Variants in CDH23 observed in about 807,000 individuals in gnomAD.
CDH23 encodes cadherin related 23, also known as cadherin-23.
A neutral mutation model predicts 317.1 loss-of-function variants in CDH23; 189 were observed. That is an observed-to-expected ratio of 0.60 (90% CI 0.53 to 0.67). The LOEUF is 0.67. CDH23 is among the 30% of genes least tolerant of loss of function. CDH23 has a pLI of 0.00. For synonymous variants in CDH23, 1,839 were observed against 1,876.8 expected (o/e 0.98, Z 0.52); for missense variants, 4,401 against 4,592.4 (o/e 0.96, Z 1.20).
chr10:71,806,095 C>T (rs1000399952), intron 56 of CDH23, 73 bp from the exon 57 acceptor site: 19 of 1,529,540 alleles, frequency 1.2e-5, no homozygotes, highest in Non-Finnish European at 1.7e-5. Context: ...CCTAGGGGAA[C>T]TGGCCACCGG....
At chr10:71,527,377 G>A (rs1374634166) in intron 6 of CDH23, among the ~76,000 whole-genome samples, 1 of 152,250 alleles carries the variant, frequency 6.6e-6, no homozygotes, top group Non-Finnish European at 1.5e-5. Context: ...AGGGAATGCT[G>A]CCATCAAGGC....
At chr10:71,681,211 A>G (rs1349624915) in intron 17 of CDH23, among the ~76,000 whole-genome samples, 1 of 150,970 alleles carries the variant, frequency 6.6e-6, no homozygotes, top group Non-Finnish European at 1.5e-5. Flanking sequence ...AATCCCCCTT[A>G]GATTTTATAT....
At chr10:71,705,712 G>A (rs1048477336) in intron 25 of CDH23, among the ~76,000 whole-genome samples, 2 of 152,298 alleles carry the variant, frequency 1.3e-5, no homozygotes, top group Admixed American at 1.3e-4. Context: ...TTCCACTCTG[G>A]ATGAGTCTTT....
chr10:71,762,112 G>A (rs1048325282), intron 38 of CDH23: 1 of 1,422,108 alleles, frequency 7.0e-7, no homozygotes, highest in Admixed American at 2.6e-5. Flanking sequence ...CTTAGCCTCT[G>A]CTACTTCCCA....
At chr10:71,600,097 G>A (rs1860121679) in intron 9 of CDH23, among the ~76,000 whole-genome samples, 1 of 146,698 alleles carries the variant, frequency 6.8e-6, no homozygotes, top group African/African-American at 2.5e-5. Flanking sequence ...CCGCCTCCCA[G>A]GTTCAAGCAA....
intron 22 of CDH23, among the ~76,000 whole-genome samples, chr10:71,700,856 T>C (rs1865556433): frequency 6.6e-6 from 1 of 152,126 alleles, no homozygotes; most frequent in Non-Finnish European, 1.5e-5. Context: ...TCTGTTCTGG[T>C]CTGGTGGCCC....
chr10:71,420,485 ATGG>A (rs1252234056), intron 1 of CDH23, among the ~76,000 whole-genome samples: 7 of 117,332 alleles, frequency 6.0e-5, no homozygotes, highest in East Asian at 2.8e-4. Context: ...GATGATGGTG[ATGG>A]TGATGATGGT....
At chr10:71,552,086 G>A (rs1198223328) in intron 6 of CDH23, among the ~76,000 whole-genome samples, 1 of 152,256 alleles carries the variant, frequency 6.6e-6, no homozygotes, top group Non-Finnish European at 1.5e-5. Flanking sequence ...TATGACTGTG[G>A]GCCAGGCCTC....
intron 3 of CDH23, among the ~76,000 whole-genome samples, chr10:71,463,241 G>A (rs549187235): frequency 1.9e-4 from 29 of 152,300 alleles, no homozygotes; most frequent in Admixed American, 4.6e-4. Context: ...CAGGCTGCCC[G>A]GGAGCCCAAG....
intron 9 of CDH23, among the ~76,000 whole-genome samples, chr10:71,596,349 G>A (rs1859845318): frequency 6.6e-6 from 1 of 152,128 alleles, no homozygotes; most frequent in South Asian, 2.1e-4. Context: ...GTCATGCTAG[G>A]CCAAGAAGTG....
At chr10:71,493,189 A>G (rs1000669211) in intron 3 of CDH23, among the ~76,000 whole-genome samples, 2 of 152,138 alleles carry the variant, frequency 1.3e-5, no homozygotes, top group African/African-American at 4.8e-5. Flanking sequence ...ACATATTTCA[A>G]GTTATTATGA....
intron 11 of CDH23, among the ~76,000 whole-genome samples, chr10:71,621,056 A>G (rs1353261802): frequency 6.6e-6 from 1 of 152,248 alleles, no homozygotes; most frequent in Admixed American, 6.5e-5. Flanking sequence ...CAACAGGAGC[A>G]AAAGAAGGAC....
intron 14 of CDH23, among the ~76,000 whole-genome samples, chr10:71,669,676 G>C (rs373537028): frequency 9.9e-5 from 15 of 152,244 alleles, no homozygotes; most frequent in Admixed American, 7.2e-4. Flanking sequence ...TTGATCTCTT[G>C]ATCTCAGGTG....
intron 9 of CDH23, among the ~76,000 whole-genome samples, chr10:71,588,788 G>T (rs148903468): frequency 6.6e-6 from 1 of 152,188 alleles, no homozygotes; most frequent in Non-Finnish European, 1.5e-5. Flanking sequence ...ATCCCTCTGG[G>T]TGTTCCCTGC....
intron 38 of CDH23, among the ~76,000 whole-genome samples, chr10:71,763,830 T>A (rs1008617571): frequency 1.3e-5 from 2 of 152,062 alleles, no homozygotes; most frequent in Non-Finnish European, 2.9e-5. Context: ...AGAAGCACAG[T>A]GGGATGGAGA....
chr10:71,516,328 G>A (rs1854329180), intron 6 of CDH23, among the ~76,000 whole-genome samples: 1 of 152,188 alleles, frequency 6.6e-6, no homozygotes, highest in Non-Finnish European at 1.5e-5. Context: ...GAGATCCTGG[G>A]AGCCTGAGAG....
In CDH23 at chr10:71,791,291, G is replaced by C. The variant is rs769954730; in HGVS notation, c.6209G>C (p.Ser2070Thr). The C allele has an allele frequency of 3.1e-6, 5 of 1,613,750 alleles. No homozygotes were observed. In the African/African-American group the frequency reaches 6.7e-5, roughly 22 times the overall value. ...GACAATGACAACCGGCCCACCTTTA[G>C]CCCTGCCACCCTCACTGTCCATCTG... ...LDDNDNRPTF[S>T]PATLTVHLLE... Residue 2070 changes from serine to threonine, a missense_variant, in exon 47 of 70, where the codon AGC becomes ACC. By Grantham distance (58) the Ser-to-Thr change is moderately conservative. This residue lies in a region of CDH23 where 3,068 missense variants were observed against 3,203.3 expected (regional missense o/e 0.96). Transcript: ENST00000224721.
At chr10:71,527,731 C>T (rs1466500489) in intron 6 of CDH23, among the ~76,000 whole-genome samples, 2 of 152,214 alleles carry the variant, frequency 1.3e-5, no homozygotes, top group Non-Finnish European at 2.9e-5. Context: ...GATTTCGCCT[C>T]TCTGAGCCTC....
chr10:71,745,209 A>G (rs1166291745), intron 38 of CDH23, among the ~76,000 whole-genome samples: 2 of 152,176 alleles, frequency 1.3e-5, no homozygotes, highest in Non-Finnish European at 1.5e-5. Flanking sequence ...CAATGAAAAC[A>G]CTGGTGTGCA....
Sources: allele counts gnomAD v4.1 joint callset (sites outside exome capture counted in the v4.1 genomes callset), GRCh38; gene constraint gnomAD v4.1.1; regional missense constraint gnomAD v4.1.1; transcripts MANE v1.5; gene names NCBI Gene and HGNC (gene_info 2026-07-23, HGNC 2026-07-21).